RCC1: variants seen among roughly 807,000 people sequenced by gnomAD.
The protein encoded by RCC1 is regulator of chromosome condensation 1, also known as regulator of chromosome condensation.
RCC1 carries 11 observed loss-of-function variants against 44.4 expected under a neutral mutation model. That is an observed-to-expected ratio of 0.25 (90% confidence interval 0.16 to 0.41). RCC1 has a LOEUF of 0.41. Among genes scored for constraint, RCC1 ranks in the 10% least tolerant of loss-of-function variants. RCC1 has a pLI of 1.00. For missense variants in RCC1, 386 were observed against 547.1 expected (o/e 0.71, Z 2.94); for synonymous variants, 213 against 216.5 (o/e 0.98, Z 0.14).
intron 4 of RCC1, among the ~76,000 whole-genome samples, chr1:28,527,638 TTGAA>T: frequency 6.6e-6 from 1 of 152,200 alleles, no homozygotes; most frequent in Admixed American, 6.6e-5. Context: ...TTACATGGGG[TTGAA>T]TGGAGTTATG....
intron 7 of RCC1, 71 bp from the exon 8 acceptor site, chr1:28,534,979 C>T: frequency 8.3e-7 from 1 of 1,206,002 alleles, no homozygotes; most frequent in Non-Finnish European, 1.2e-6. Context: ...TCTGGTGCCA[C>T]TGCCCTTCTG....
At chr1:28,514,273 A>G (rs1312640606) in intron 3 of RCC1, among the ~76,000 whole-genome samples, 2 of 151,124 alleles carry the variant, frequency 1.3e-5, no homozygotes, top group Admixed American at 6.6e-5. Flanking sequence ...ACACGGTGAA[A>G]CCCCATCTCT....
chr1:28,531,019 A>G (rs1028054248), intron 5 of RCC1, among the ~76,000 whole-genome samples: 3 of 152,152 alleles, frequency 2.0e-5, no homozygotes, highest in East Asian at 3.9e-4. Flanking sequence ...CACGCCTGTC[A>G]GAAGATCGAG....
chr1:28,517,673 A>C (rs991546255), intron 4 of RCC1, among the ~76,000 whole-genome samples: 1 of 151,994 alleles, frequency 6.6e-6, no homozygotes, highest in Non-Finnish European at 1.5e-5. Flanking sequence ...CCTTAGACAC[A>C]CAAGACCCTG....
intron 5 of RCC1, chr1:28,530,659 TC>T: frequency 6.7e-7 from 1 of 1,492,222 alleles, no homozygotes; most frequent in Non-Finnish European, 9.1e-7. Flanking sequence ...CAGCGCGGGC[TC>T]CTCAGCGGTG....
At chr1:28,512,272 C>A (rs1247727091) in intron 3 of RCC1, among the ~76,000 whole-genome samples, 1 of 152,100 alleles carries the variant, frequency 6.6e-6, no homozygotes, top group East Asian at 1.9e-4. Context: ...CTCACCTCCC[C>A]TTTCCCTAAG....
In RCC1 at chr1:28,507,447, T is replaced by G. The variant is rs534704368; in HGVS notation, c.-261-681T>G. 5.8e-6 allele frequency: 3 copies of G among 519,130 alleles called. 1 individual carries two copies. The highest frequency in any genetic ancestry group is 4.2e-5 in the South Asian group (3 of 71,598). 32.2% of individuals were successfully genotyped at this position (519,130 alleles called of 1,614,324 possible). ...GGGAGCATAGGGCTCTGCCCCATGATGTACAAGTCCCTTTCCACAACGTTG... is the reference window on the plus strand; with the variant it reads ...GGGAGCATAGGGCTCTGCCCCATGAGGTACAAGTCCCTTTCCACAACGTTG... On this transcript the variant is annotated intron_variant, in intron 1 of 12. Transcript: ENST00000683442.
intron 3 of RCC1, chr1:28,509,871 T>C (rs965919907): frequency 6.6e-6 from 1 of 152,206 alleles, no homozygotes; most frequent in Non-Finnish European, 1.5e-5. Context: ...ACCGATTCTT[T>C]AGCTTCCTGC....
Position 28,535,263 on chromosome 1 carries a change from G to A in RCC1, c.544G>A (p.Asp182Asn), listed in dbSNP as rs781508702. The A allele has an allele frequency of 4.3e-6, 7 of 1,614,154 alleles. No individual in the cohort carries two copies. Among genetic ancestry groups the A allele is most frequent in the Admixed American group, 3.3e-5 (2 of 60,028 alleles). Residue 182 changes from aspartate to asparagine, a missense_variant, in exon 9 of 13, where the codon GAC becomes AAC. Asp to Asn is a conservative substitution (Grantham distance 23). Coordinates refer to ENST00000683442, the MANE Select transcript of RCC1 (RefSeq NM_001381865.2). ...CCTTACCTTTTCATCCTTAGGAAAC[G>A]ACCACTTGGTGATGCTGACAGCTGA... ...VPVVKVASGN[D>N]HLVMLTADGD...
chr1:28,515,273 G>A (rs1202190551), intron 3 of RCC1, among the ~76,000 whole-genome samples: 1 of 151,728 alleles, frequency 6.6e-6, no homozygotes, highest in Non-Finnish European at 1.5e-5. Flanking sequence ...CTAGGCAACA[G>A]AGTGAGACTC....
chr1:28,521,931 G>A (rs1456490845), intron 4 of RCC1, among the ~76,000 whole-genome samples: 1 of 152,182 alleles, frequency 6.6e-6, no homozygotes, highest in Non-Finnish European at 1.5e-5. Flanking sequence ...TACTTGCTCT[G>A]TGAACTTAGG....
chr1:28,522,579 G>A (rs1363915125), intron 4 of RCC1, among the ~76,000 whole-genome samples: 1 of 151,958 alleles, frequency 6.6e-6, no homozygotes, highest in African/African-American at 2.4e-5. Context: ...AGGTCGAGGT[G>A]GGAGGATCAC....
chr1:28,514,060 T>G (rs59183416), intron 3 of RCC1, among the ~76,000 whole-genome samples: 39,483 of 151,168 alleles, frequency 0.26, 5,264 homozygotes, highest in Middle Eastern at 0.34. Context: ...TCTCAGCTAC[T>G]TGGGAGGCTG....
intron 3 of RCC1, among the ~76,000 whole-genome samples, chr1:28,513,384 G>T (rs1234418047): frequency 6.6e-6 from 1 of 151,940 alleles, no homozygotes; most frequent in African/African-American, 2.4e-5. Flanking sequence ...TAGTAGAGAT[G>T]GGGTTTCACC....
At chr1:28,513,785 ATGT>A (rs1014920492) in intron 3 of RCC1, among the ~76,000 whole-genome samples, 2 of 151,740 alleles carry the variant, frequency 1.3e-5, no homozygotes, top group African/African-American at 2.4e-5. Flanking sequence ...AGGTCTCATG[ATGT>A]TGTCCCAGCT....
intron 3 of RCC1, chr1:28,510,597 C>CAA (rs888714073): frequency 6.6e-6 from 1 of 151,672 alleles, no homozygotes; most frequent in Non-Finnish European, 1.5e-5. Context: ...AGTTAAGTCT[C>CAA]AAAAAAAAGG....
intron 3 of RCC1, chr1:28,510,825 GCC>G: frequency 6.6e-6 from 1 of 152,304 alleles, no homozygotes; most frequent in Non-Finnish European, 1.5e-5. Flanking sequence ...TCGTCTGTAT[GCC>G]CAGTCCCATC....
chr1:28,533,757 C>G (rs1307008367), intron 7 of RCC1, among the ~76,000 whole-genome samples: 1 of 75,232 alleles, frequency 1.3e-5, no homozygotes, highest in African/African-American at 5.8e-5. Context: ...GCAACAAGAG[C>G]GAAACTCTGT....
intron 3 of RCC1, among the ~76,000 whole-genome samples, chr1:28,513,422 T>A (rs1473019584): frequency 1.3e-5 from 2 of 152,066 alleles, no homozygotes; most frequent in Non-Finnish European, 2.9e-5. Context: ...CTCAAACTCC[T>A]GAGCTCAGGC....
Sources: allele counts gnomAD v4.1 joint callset (sites outside exome capture counted in the v4.1 genomes callset), GRCh38; gene constraint gnomAD v4.1.1; transcripts MANE v1.5; gene names NCBI Gene and HGNC (gene_info 2026-07-23, HGNC 2026-07-21).